Variants in EFCAB7 observed in about 807,000 individuals in gnomAD.
EFCAB7 encodes the protein EF-hand calcium binding domain 7, also known as EF-hand calcium-binding domain-containing protein 7.
EFCAB7 carries 66 observed loss-of-function variants against 77.1 expected under a neutral mutation model. The ratio of observed to expected loss-of-function variants is 0.86; its 90% CI spans 0.70 to 1.05. The LOEUF is 1.05. Among genes scored for constraint, EFCAB7 ranks in the 50% least tolerant of loss-of-function variants. The pLI is 0.00. For missense variants in EFCAB7, 638 were observed against 730.5 expected, an observed-to-expected ratio of 0.87 and a Z score of 1.46; for synonymous variants, 225 against 243.3, an observed-to-expected ratio of 0.92 and a Z score of 0.70.
At chr1:63,576,819 G>A (rs915550550), downstream of EFCAB7, among the ~76,000 whole-genome samples, 6 of 151,700 alleles carry the variant, frequency 4.0e-5, no homozygotes, top group Non-Finnish European at 7.4e-5. Flanking sequence ...CTGGGTGACA[G>A]AGAGAGACTC....
chr1:63,575,984 A>T (rs748035273), downstream of EFCAB7, among the ~76,000 whole-genome samples: 7 of 152,212 alleles, frequency 4.6e-5, no homozygotes, highest in Non-Finnish European at 8.8e-5. Flanking sequence ...GTTTAAGAGC[A>T]TTCAAAGTTA....
rs1261414357 is a variant in EFCAB7, at chr1:63,531,825, C to A, written c.193C>A (p.Gln65Lys). 2 of 1,611,240 alleles carry A rather than the reference C, an allele frequency of 1.2e-6. No individual in the cohort carries two copies. The highest frequency in any genetic ancestry group is 3.4e-5 in the Admixed American group (2 of 59,574). ...ISKDQLYLALQHAGRNPSQKT... is the reference protein window; with the variant it reads ...ISKDQLYLALKHAGRNPSQKT... ...ATACTTGTCTTGTTGGGCAGCTCTT[C>A]AGCATGCAGGAAGAAATCCATCCCA... The change falls in exon 3 of 14, where the codon CAG becomes AAG. Residue 65 changes from glutamine to lysine, a missense_variant. Coordinates refer to ENST00000371088, the MANE Select transcript of EFCAB7 (RefSeq NM_032437.4).
rs746270161 is a variant in EFCAB7 at position 63,545,994 on chromosome 1, C to G, written c.883C>G (p.Gln295Glu). 28 of 1,613,652 alleles carry G rather than the reference C, an allele frequency of 1.7e-5. No individual in the cohort carries two copies. In the East Asian group the frequency reaches 6.2e-4, roughly 36 times the overall value. The change falls in exon 7 of 14, where the codon CAA (glutamine) becomes GAA (glutamate). Residue 295 changes from glutamine to glutamate, a missense_variant. By Grantham distance (29) the Gln-to-Glu change is conservative. Coordinates refer to ENST00000371088, the MANE Select transcript of EFCAB7 (RefSeq NM_032437.4). ...GEIISHQYRM[Q>E]IAQRSMVYLT... is the part of the protein sequence containing the mutation. ...AATCATTAGTCATCAGTACAGGATGCAAATAGCTCAGAGGTCCATGGTTTA... is the reference window on the plus strand; with the variant it reads ...AATCATTAGTCATCAGTACAGGATGGAAATAGCTCAGAGGTCCATGGTTTA...
intron 7 of EFCAB7, 53 bp downstream of exon 7, chr1:63,546,110 A>G: frequency 1.9e-6 from 3 of 1,569,400 alleles, no homozygotes; most frequent in Non-Finnish European, 2.6e-6. Context: ...ACCCTCCTTG[A>G]AAGTACTTAT....
chr1:63,546,179 G>A (rs1646896308), intron 7 of EFCAB7, 122 bp downstream of exon 7: 1 of 1,082,608 alleles, frequency 9.2e-7, no homozygotes, highest in Non-Finnish European at 1.3e-6. Context: ...AAGAATTTAT[G>A]GTTACATTTC....
At position 63,559,301 on chromosome 1, in the gene EFCAB7, C is replaced by CAAAAA. The variant is rs71052490; in HGVS notation, c.1348+2074_1348+2078dup. The stretch of plus-strand genomic sequence containing the variant: ...TGGGTGACAGAGTGAGACTCTGTCT[C>CAAAAA]AAAAAAAAAAAAAAAAAAAAAAAAT... On this transcript the variant is annotated intron_variant, in intron 10 of 13. Coordinates refer to ENST00000371088, the MANE Select transcript of EFCAB7 (RefSeq NM_032437.4). 1.4e-3 allele frequency among the ~76,000 whole-genome samples: 87 copies of CAAAAA among 62,206 alleles called. 5 individuals carry two copies. Among genetic ancestry groups the CAAAAA allele is most frequent in the African/African-American group, 4.3e-3 (67 of 15,414 alleles). The allele number at this position is 62,206 out of a possible 152,430, so 40.8% of individuals were successfully genotyped here.
In EFCAB7 at chr1:63,561,091, T is replaced by A. The variant is rs549222758; in HGVS notation, c.1349-618T>A. Reference sequence around the variant, plus strand: ...TAGATACTTCTAGGTAAATTTAGTTTTGCTCATAAATAGTGTTAAAACAGG... The same window carrying A: ...TAGATACTTCTAGGTAAATTTAGTTATGCTCATAAATAGTGTTAAAACAGG... On this transcript the variant is annotated intron_variant, in intron 10 of 13. Coordinates refer to ENST00000371088, the MANE Select transcript of EFCAB7 (RefSeq NM_032437.4). 4.6e-5 allele frequency among the ~76,000 whole-genome samples: 7 copies of A among 152,334 alleles called. No individual in the cohort carries two copies. In the East Asian group the frequency reaches 1.3e-3, roughly 29 times the overall value.
chr1:63,525,672 A>C lies in EFCAB7; in HGVS notation c.100A>C (p.Ile34Leu). 1.9e-6 allele frequency: 3 copies of C among 1,601,788 alleles called. No individual in the cohort carries two copies. The highest frequency in any genetic ancestry group is 2.3e-5 in the East Asian group (1 of 44,354). The change falls in exon 2 of 14, where the codon ATA (isoleucine) becomes CTA (leucine). Residue 34 changes from isoleucine (I) to leucine (L), a missense_variant. By Grantham distance (5) the Ile-to-Leu change is conservative. Coordinates refer to ENST00000371088, the MANE Select transcript of EFCAB7 (RefSeq NM_032437.4). ...GAAATTTCCACTAACTGAAGAGGAA[A>C]TATTTTATATGAATTGTAGAGCTGC... ...TKKFPLTEEE[I>L]FYMNCRAAYL...
chr1:63,532,169 G>T (rs767716538), intron 3 of EFCAB7, 138 bp downstream of exon 3: 13 of 678,370 alleles, frequency 1.9e-5, no homozygotes, highest in Non-Finnish European at 2.8e-5. Flanking sequence ...TATTTATAAC[G>T]TACTTAGGAA....
rs569253722 is a variant in EFCAB7, at chr1:63,534,505, A to G, written c.804+289A>G. The G allele has an allele frequency of 4.6e-5, 10 of 218,632 alleles. No individual in the cohort carries two copies. In the South Asian group the frequency reaches 1.4e-3, roughly 30 times the overall value. 13.5% of individuals were successfully genotyped at this position (218,632 alleles called of 1,614,324 possible). A position where few individuals can be genotyped will look rare whatever the true frequency, so the allele number is the denominator to read the frequency against. ...AAATTTTTTGTTTTGTTTAACAAAT[A>G]TTCACCATAGGTGTTTCATATAAAT... On this transcript the variant is annotated intron_variant, in intron 6 of 13. Coordinates refer to ENST00000371088, the MANE Select transcript of EFCAB7 (RefSeq NM_032437.4).
At chr1:63,568,041 A>C (rs1292608505) in intron 11 of EFCAB7, among the ~76,000 whole-genome samples, 1 of 151,972 alleles carries the variant, frequency 6.6e-6, no homozygotes, top group East Asian at 1.9e-4. Flanking sequence ...AAGAGATGGT[A>C]TTATGGTTTA....
chr1:63,540,075 A>G (rs1646809618), intron 6 of EFCAB7, among the ~76,000 whole-genome samples: 1 of 151,848 alleles, frequency 6.6e-6, no homozygotes, highest in Admixed American at 6.6e-5. Context: ...TTAATAGTTG[A>G]ACTTGGGCCA....
Position 63,544,876 on chromosome 1 carries a change from A to C in EFCAB7, c.805-1040A>C, listed in dbSNP as rs531173183. On this transcript the variant is annotated intron_variant, in intron 6 of 13. Transcript: ENST00000371088. The stretch of plus-strand genomic sequence containing the variant: ...ACTAATCTCATTCTATTACAGCAAC[A>C]TATTTATTTATTACTTTTTTCAATA... Among the ~76,000 whole-genome samples the C allele has an allele frequency of 4.7e-5, 7 of 149,760 alleles. No homozygotes were observed. In the East Asian group the frequency reaches 1.4e-3, roughly 29 times the overall value.
chr1:63,580,239 G>A, the EFCAB7 span, among the ~76,000 whole-genome samples: 15 of 152,068 alleles, frequency 9.9e-5, no homozygotes, highest in Admixed American at 9.2e-4. Context: ...GTTAATTTTT[G>A]TATGAGTTCT....
At chr1:63,528,807 T>C (rs1040722204) in intron 2 of EFCAB7, among the ~76,000 whole-genome samples, 2 of 152,212 alleles carry the variant, frequency 1.3e-5, no homozygotes, top group African/African-American at 2.4e-5. Flanking sequence ...AATAATTTAG[T>C]AGTTGTGTAA....
intron 6 of EFCAB7, among the ~76,000 whole-genome samples, chr1:63,545,267 C>A (rs1271473844): frequency 6.6e-6 from 1 of 151,942 alleles, no homozygotes; most frequent in African/African-American, 2.4e-5. Flanking sequence ...CCTAACTTTT[C>A]ATTATTGAAA....
chr1:63,573,171 T>C (rs1363479835), downstream of EFCAB7, among the ~76,000 whole-genome samples: 2 of 151,996 alleles, frequency 1.3e-5, no homozygotes, highest in South Asian at 2.1e-4. Context: ...GCGAAAATTT[T>C]TGGGGGTGGT....
chr1:63,571,066 A>C lies in EFCAB7; in HGVS notation c.1753A>C (p.Asn585His), dbSNP rs1371783889. 1 of 1,612,650 alleles carries C rather than the reference A, an allele frequency of 6.2e-7. No homozygotes were observed. The highest frequency in any genetic ancestry group is 8.5e-7 in the Non-Finnish European group (1 of 1,179,362). ...IIHISNELSK[N>H]CINNRGLNIF... Reference sequence around the variant, plus strand: ...TCACATCAGCAATGAGCTAAGTAAAAACTGCATAAACAACAGAGGACTCAA... The same window carrying C: ...TCACATCAGCAATGAGCTAAGTAAACACTGCATAAACAACAGAGGACTCAA... The change falls in exon 13 of 14, where the codon AAC (asparagine) becomes CAC (histidine). Residue 585 changes from asparagine to histidine, a missense_variant. Physicochemically the swap from Asn to His is moderately conservative, Grantham distance 68. Coordinates refer to ENST00000371088, the MANE Select transcript of EFCAB7 (RefSeq NM_032437.4).
the EFCAB7 span, among the ~76,000 whole-genome samples, chr1:63,585,176 A>G: frequency 6.6e-6 from 1 of 151,394 alleles, no homozygotes; most frequent in Non-Finnish European, 1.5e-5. Flanking sequence ...TACAAATTCA[A>G]TTTCTTTAAC....
Sources: allele counts gnomAD v4.1 joint callset (sites outside exome capture counted in the v4.1 genomes callset), GRCh38; gene constraint gnomAD v4.1.1; transcripts MANE v1.5; gene names NCBI Gene and HGNC (gene_info 2026-07-23, HGNC 2026-07-21).